TRPC4AP: variants seen among roughly 807,000 people sequenced by gnomAD.
TRPC4AP encodes transient receptor potential cation channel subfamily C member 4 associated protein, also known as short transient receptor potential channel 4-associated protein.
Under a neutral mutation model 99.0 loss-of-function variants are expected in TRPC4AP, and 45 were observed. The ratio of observed to expected loss-of-function variants is 0.45; its 90% CI spans 0.36 to 0.58. TRPC4AP has a LOEUF of 0.58. Ranked by LOEUF, TRPC4AP falls within the 20% of genes least tolerant of loss-of-function variation. TRPC4AP has a pLI of 0.00. For missense variants in TRPC4AP, 879 were observed against 985.3 expected, an observed-to-expected ratio of 0.89 and a Z score of 1.44; for synonymous variants, 408 against 385.8, an observed-to-expected ratio of 1.06 and a Z score of -0.67.
intron 1 of TRPC4AP, among the ~76,000 whole-genome samples, chr20:35,089,039 C>CTTTT (rs2084965133): frequency 2.3e-5 from 2 of 86,380 alleles, no homozygotes; most frequent in African/African-American, 6.6e-5. Context: ...TAACTATACA[C>CTTTT]CTTTTTTTTT....
At chr20:35,054,938 G>T (rs753338708) in intron 5 of TRPC4AP, 38 bp downstream of exon 5, 19 of 1,554,524 alleles carry the variant, frequency 1.2e-5, no homozygotes, top group South Asian at 6.7e-5. Context: ...AGACCTGGTA[G>T]GGGAGATAAA....
At chr20:35,084,536 A>ATG (rs2084755840) in intron 1 of TRPC4AP, among the ~76,000 whole-genome samples, 1 of 147,514 alleles carries the variant, frequency 6.8e-6, no homozygotes, top group Non-Finnish European at 1.5e-5. Flanking sequence ...ATATGTATAT[A>ATG]TGTATATGTA....
chr20:35,035,019 T>A (rs2083286898), intron 8 of TRPC4AP, 104 bp downstream of exon 8: 2 of 1,297,088 alleles, frequency 1.5e-6, no homozygotes, highest in African/African-American at 3.0e-5. Context: ...ACAATTCTAC[T>A]CTGAGCAAAT....
chr20:35,063,605 T>A (rs1420964354), intron 3 of TRPC4AP, among the ~76,000 whole-genome samples: 2 of 151,662 alleles, frequency 1.3e-5, no homozygotes, highest in Middle Eastern at 3.2e-3. Flanking sequence ...GTGCCTATAA[T>A]CCCAGCTACT....
At chr20:35,083,809 G>A (rs1046749901) in intron 1 of TRPC4AP, among the ~76,000 whole-genome samples, 1 of 151,634 alleles carries the variant, frequency 6.6e-6, no homozygotes, top group Non-Finnish European at 1.5e-5. Flanking sequence ...AGGAAACAAG[G>A]TCTAAAACAT....
chr20:35,059,734 G>C (rs559712753), intron 3 of TRPC4AP, among the ~76,000 whole-genome samples: 2 of 151,516 alleles, frequency 1.3e-5, no homozygotes, highest in East Asian at 3.9e-4. Context: ...AGAGGAAGAA[G>C]ACTACGACGA....
chr20:35,067,341 A>G (rs1013494364), intron 3 of TRPC4AP, among the ~76,000 whole-genome samples: 3 of 152,196 alleles, frequency 2.0e-5, no homozygotes, highest in African/African-American at 7.2e-5. Context: ...TTAAATTTTA[A>G]AACACTTTCA....
intron 5 of TRPC4AP, among the ~76,000 whole-genome samples, chr20:35,050,309 G>A (rs1055758121): frequency 9.2e-5 from 14 of 152,190 alleles, no homozygotes; most frequent in South Asian, 2.1e-4. Context: ...AAACAGTGCC[G>A]AAGCATGGAC....
Position 35,082,815 on chromosome 20 carries a change from T to C in TRPC4AP, c.169-4641A>G, listed in dbSNP as rs139767379. On this transcript the variant is annotated intron_variant, in intron 1 of 18. Coordinates refer to ENST00000252015, the MANE Select transcript of TRPC4AP (RefSeq NM_015638.3). ...GAGAATAATGATATGAATACCTCAA[T>C]TGATACAGAAAAAGCATTTGATAAA... 8.2e-3 allele frequency among the ~76,000 whole-genome samples: 1,254 copies of C among 152,316 alleles called. 15 individuals are homozygous for C. Among genetic ancestry groups the C allele is most frequent in the African/African-American group, 0.026 (1,084 of 41,568 alleles).
intron 3 of TRPC4AP, among the ~76,000 whole-genome samples, chr20:35,061,206 CA>C (rs953333545): frequency 4.6e-5 from 7 of 150,932 alleles, no homozygotes; most frequent in South Asian, 2.1e-4. Context: ...TAGCAAGAAG[CA>C]AAAAAAACTG....
intron 12 of TRPC4AP, among the ~76,000 whole-genome samples, chr20:35,009,888 A>T (rs1355879729): frequency 6.6e-6 from 1 of 152,214 alleles, no homozygotes. Context: ...TGAATGCACG[A>T]GACAAGGCGG....
intron 1 of TRPC4AP, among the ~76,000 whole-genome samples, chr20:35,084,815 T>C (rs984207936): frequency 7.9e-5 from 12 of 151,348 alleles, no homozygotes; most frequent in Non-Finnish European, 1.5e-4. Context: ...ATTTAAAAAA[T>C]GGAAGAGGAC....
chr20:35,078,189 AAGAG>A lies in TRPC4AP; in HGVS notation c.169-19_169-16del. 1 of 1,611,546 alleles carries A rather than the reference AAGAG, an allele frequency of 6.2e-7. No homozygotes were observed. Among genetic ancestry groups the A allele is most frequent in the Non-Finnish European group, 8.5e-7 (1 of 1,178,216 alleles). ...GTCTCAGTGAACTGTGAGTCAAAAA[AAGAG>A]AGAACATATTATTGTATTATTGATG... On this transcript the variant is annotated splice_polypyrimidine_tract_variant and intron_variant, in intron 1 of 18. Coordinates refer to ENST00000252015, the MANE Select transcript of TRPC4AP (RefSeq NM_015638.3).
chr20:35,057,506 A>G lies in TRPC4AP; in HGVS notation c.472+8T>C, dbSNP rs750023489. 1.2e-5 allele frequency: 19 copies of G among 1,609,842 alleles called. No homozygotes were observed. The highest frequency in any genetic ancestry group is 1.6e-4 in the Middle Eastern group (1 of 6,072). On this transcript the variant is annotated splice_region_variant and intron_variant, in intron 4 of 18. Transcript: ENST00000252015. ...AAACAAGGACCAGTAGCTAATAGGT[A>G]TACTTACTTTTCAGTTTCTGTCCCC...
In TRPC4AP at chr20:35,035,141, C is replaced by A; in HGVS notation, c.1033G>T (p.Glu345Ter). ...TCCATACCTTGATTGTGCTCTGACT[C>A]CTCATTGGCCACTCGCATCAGGGCA... ...LDALMRVANE[E>*]SEHNQASIVF... The change falls in exon 8 of 19, where the codon GAG (glutamate) becomes TAG (stop). Residue 345 changes from glutamate to a stop codon, truncating the protein, a stop_gained. Coordinates refer to ENST00000252015, the MANE Select transcript of TRPC4AP (RefSeq NM_015638.3). LOFTEE classifies it high-confidence loss of function. The A allele has an allele frequency of 1.2e-6, 2 of 1,613,758 alleles. No homozygotes were observed. Among genetic ancestry groups the A allele is most frequent in the Non-Finnish European group, 1.7e-6 (2 of 1,179,852 alleles).
In TRPC4AP at chr20:35,037,209, C is replaced by T. The variant is rs1238224266; in HGVS notation, c.866-1901G>A. Reference sequence around the variant, plus strand: ...AGAAGTACAAAAAATTAGCTGGGCGCGGTGGCAGGCGCCTGTAGTCCCAGC... The same window carrying T: ...AGAAGTACAAAAAATTAGCTGGGCGTGGTGGCAGGCGCCTGTAGTCCCAGC... On this transcript the variant is annotated intron_variant, in intron 7 of 18. Transcript: ENST00000252015. Among the ~76,000 whole-genome samples, 8 of 149,592 alleles carry T rather than the reference C, an allele frequency of 5.3e-5. No homozygotes were observed. In the East Asian group the frequency reaches 6.1e-4, roughly 11 times the overall value.
chr20:35,007,426 A>T, intron 14 of TRPC4AP, 124 bp downstream of exon 14: 1 of 992,900 alleles, frequency 1.0e-6, no homozygotes, highest in Non-Finnish European at 1.5e-6. Context: ...CAGCCTGCAC[A>T]GGCATTTGGA....
At position 35,036,780 on chromosome 20, in the gene TRPC4AP, T is replaced by C. The variant is rs1275776402; in HGVS notation, c.866-1472A>G. On this transcript the variant is annotated intron_variant, in intron 7 of 18. Transcript: ENST00000252015. Reference sequence around the variant, plus strand: ...TGGTCAACATGGCGAACTCCATCTCTACCAATAATACAAAAATTAGCCAGG... The same window carrying C: ...TGGTCAACATGGCGAACTCCATCTCCACCAATAATACAAAAATTAGCCAGG... Among the ~76,000 whole-genome samples the C allele has an allele frequency of 2.0e-5, 3 of 151,776 alleles. No homozygotes were observed. The East Asian group carries it at 5.9e-4, about 30-fold the overall frequency.
intron 8 of TRPC4AP, among the ~76,000 whole-genome samples, chr20:35,030,941 C>T (rs2083175318): frequency 6.6e-6 from 1 of 152,222 alleles, no homozygotes; most frequent in Non-Finnish European, 1.5e-5. Flanking sequence ...TTTGGTATTT[C>T]TCATAAGTCG....
Sources: gnomAD v4.1 joint callset for allele counts (sites outside exome capture counted in the v4.1 genomes callset) on GRCh38, gnomAD v4.1.1 for gene constraint, MANE v1.5 for transcripts, NCBI Gene and HGNC (gene_info 2026-07-23, HGNC 2026-07-21) for gene names.